PKHD1: variants seen among roughly 807,000 people sequenced by gnomAD.
PKHD1 encodes the protein PKHD1 ciliary IPT domain containing fibrocystin/polyductin.
Under a neutral mutation model 412.0 loss-of-function variants are expected in PKHD1, and 291 were observed. The observed-to-expected ratio is 0.71, with a 90% CI of 0.64 to 0.78. The LOEUF (loss-of-function observed/expected upper bound fraction) is 0.78, where lower values mean the gene tolerates loss of function less well. Ranked by LOEUF, PKHD1 falls within the 30% of genes least tolerant of loss-of-function variation. PKHD1 has a pLI of 0.00. For missense variants in PKHD1, 4,825 were observed against 4,950.7 expected, an observed-to-expected ratio of 0.97 and a Z score of 0.76; for synonymous variants, 1,777 against 1,821.5, an observed-to-expected ratio of 0.98 and a Z score of 0.62.
intron 52 of PKHD1, among the ~76,000 whole-genome samples, chr6:51,798,760 TATACAA>T (rs1794973681): frequency 6.6e-6 from 1 of 152,190 alleles, no homozygotes; most frequent in Non-Finnish European, 1.5e-5. Context: ...GCAAGAGTTT[TATACAA>T]ATTGGTTTAT....
intron 46 of PKHD1, among the ~76,000 whole-genome samples, chr6:51,874,903 T>C (rs1170058107): frequency 1.1e-5 from 1 of 88,536 alleles, no homozygotes; most frequent in Non-Finnish European, 2.1e-5. Context: ...CCAGTGTGTG[T>C]GCGCACCGTG....
intron 55 of PKHD1, among the ~76,000 whole-genome samples, chr6:51,756,488 T>C (rs1787032025): frequency 6.6e-6 from 1 of 152,184 alleles, no homozygotes; most frequent in Non-Finnish European, 1.5e-5. Context: ...CTTTTCATAA[T>C]CTATGAAATT....
intron 52 of PKHD1, among the ~76,000 whole-genome samples, chr6:51,805,237 G>A (rs1763584299): frequency 1.3e-5 from 2 of 152,150 alleles, no homozygotes; most frequent in African/African-American, 4.8e-5. Context: ...AGCCACATGG[G>A]TGCTGCTGGA....
rs2661511 is a variant in PKHD1, at chr6:51,639,027, C to T, written c.11399-71G>A. 0.03 allele frequency: 32,884 copies of T among 1,110,998 alleles called. 803 individuals carry two copies. Among genetic ancestry groups the T allele is most frequent in the African/African-American group, 0.1 (6,797 of 65,400 alleles). The allele number at this position is 1,110,998 out of a possible 1,614,324, so 68.8% of individuals were successfully genotyped here. ...TCGAACAATGTCTTCATGTCTTCTG[C>T]GAAGGCAGACATTTGGACAATAAAG... On this transcript the variant is annotated intron_variant, in intron 63 of 66. Transcript: ENST00000371117.
chr6:51,807,422 A>G (rs1171589619), intron 52 of PKHD1, among the ~76,000 whole-genome samples: 3 of 136,924 alleles, frequency 2.2e-5, no homozygotes, highest in Non-Finnish European at 4.6e-5. Context: ...TGGGCAACAG[A>G]GCGAGACTCT....
chr6:51,748,170 G>A lies in PKHD1; in HGVS notation c.9446C>T (p.Ala3149Val). ...GGCACCATAGTCAAAGTTCTTGAAA[G>A]CCAAGAAGCCAGAGATTCTGGTACA... ...DNCTRISGFL[A>V]FKNFDYGAML... Residue 3149 changes from alanine (A) to valine (V), a missense_variant, in exon 58 of 67, where the codon GCT becomes GTT. Physicochemically the swap from Ala to Val is moderately conservative, Grantham distance 64. Transcript: ENST00000371117. 1 of 1,614,086 alleles carries A rather than the reference G, an allele frequency of 6.2e-7. No individual in the cohort carries two copies. Among genetic ancestry groups the A allele is most frequent in the Non-Finnish European group, 8.5e-7 (1 of 1,179,978 alleles).
intron 63 of PKHD1, among the ~76,000 whole-genome samples, chr6:51,645,125 T>G (rs1380415095): frequency 6.6e-6 from 1 of 152,250 alleles, no homozygotes; most frequent in Non-Finnish European, 1.5e-5. Flanking sequence ...TTTCAATATG[T>G]TACTGGCTAA....
rs1322560083 is a variant in PKHD1, at chr6:51,926,955, A to T, written c.6121+7155T>A. ...GGCTGTCCTACCACGCTAGGGTTCC[A>T]AGTATGCCAGGACCATGCTTGCTGA... is the stretch of plus-strand genomic sequence containing the variant. On this transcript the variant is annotated intron_variant, in intron 37 of 66. Transcript: ENST00000371117. 7.9e-5 allele frequency among the ~76,000 whole-genome samples: 12 copies of T among 152,320 alleles called. No individual in the cohort carries two copies. The South Asian group carries it at 2.5e-3, about 32-fold the overall frequency.
In PKHD1 at chr6:51,830,927, C is replaced by T. The variant is rs769588376; in HGVS notation, c.8236G>A (p.Glu2746Lys). 1 of 1,612,304 alleles carries T rather than the reference C, an allele frequency of 6.2e-7. No individual in the cohort carries two copies. The highest frequency in any genetic ancestry group is 8.5e-7 in the Non-Finnish European group (1 of 1,178,600). The part of the protein sequence containing the change: ...WSLPETWQGV[E>K]EGWGGYNNTI... ...TTGTTGTATCCTCCCCAGCCTTCTT[C>T]AACACCTTGCCATGTTTCAGGGAGG... Residue 2746 changes from glutamate to lysine, a missense_variant, in exon 52 of 67, where the codon GAA (glutamate) becomes AAA (lysine). By Grantham distance (56) the Glu-to-Lys change is moderately conservative. Coordinates refer to ENST00000371117, the MANE Select transcript of PKHD1 (RefSeq NM_138694.4).
chr6:51,714,684 T>C (rs560344797), intron 60 of PKHD1, among the ~76,000 whole-genome samples: 31 of 152,276 alleles, frequency 2.0e-4, no homozygotes, highest in Non-Finnish European at 2.6e-4. Context: ...GGCTACCATA[T>C]TGGATAGAAC....
intron 35 of PKHD1, among the ~76,000 whole-genome samples, chr6:51,989,836 A>G (rs1173322107): frequency 7.4e-6 from 1 of 135,582 alleles, no homozygotes; most frequent in Non-Finnish European, 1.6e-5. Flanking sequence ...TTTTTTTTAA[A>G]CCAGAGGAAA....
chr6:51,857,959 T>G (rs1773552721), intron 48 of PKHD1, among the ~76,000 whole-genome samples: 1 of 152,206 alleles, frequency 6.6e-6, no homozygotes, highest in African/African-American at 2.4e-5. Flanking sequence ...AGAAATCTTG[T>G]GAGGAGGGGA....
At chr6:52,073,429 A>T in intron 7 of PKHD1, 34 bp downstream of exon 7, 1 of 1,301,310 alleles carries the variant, frequency 7.7e-7, no homozygotes, top group Non-Finnish European at 1.1e-6. Context: ...GCATGTATGT[A>T]ACTAGTTAAA....
chr6:51,986,824 G>A (rs899010461), intron 35 of PKHD1, among the ~76,000 whole-genome samples: 2 of 152,190 alleles, frequency 1.3e-5, no homozygotes, highest in African/African-American at 2.4e-5. Flanking sequence ...GACACCGCCA[G>A]GAGTTTTGTC....
chr6:51,786,500 T>C lies in PKHD1; in HGVS notation c.8440+4736A>G, dbSNP rs189892136. 2.0e-3 allele frequency among the ~76,000 whole-genome samples: 303 copies of C among 152,310 alleles called. 2 individuals are homozygous for C. Among genetic ancestry groups the C allele is most frequent in the African/African-American group, 6.7e-3 (280 of 41,556 alleles). The stretch of plus-strand genomic sequence containing the variant: ...ATCCAGTGACTACCCACTGCCTTCA[T>C]AGGAAAATCCAAACTCCTTGGCATA... On this transcript the variant is annotated intron_variant, in intron 53 of 66. Coordinates refer to ENST00000371117, the MANE Select transcript of PKHD1 (RefSeq NM_138694.4).
intron 20 of PKHD1, 68 bp downstream of exon 20, chr6:52,053,970 C>G: frequency 2.6e-6 from 4 of 1,547,622 alleles, no homozygotes; most frequent in Non-Finnish European, 3.6e-6. Context: ...AGGTGGGTAA[C>G]TGTCCCCAAA....
chr6:51,984,182 G>T (rs891501525), intron 35 of PKHD1, among the ~76,000 whole-genome samples: 1 of 152,194 alleles, frequency 6.6e-6, no homozygotes, highest in Non-Finnish European at 1.5e-5. Flanking sequence ...ATTCTTTATG[G>T]GTAATGCCAT....
intron 11 of PKHD1, among the ~76,000 whole-genome samples, chr6:52,068,477 A>G (rs186854696): frequency 5.3e-5 from 8 of 152,304 alleles, no homozygotes; most frequent in African/African-American, 1.9e-4. Flanking sequence ...TTCCCACCAT[A>G]TATTGGCTAT....
At chr6:51,676,168 G>T (rs1775809966) in intron 60 of PKHD1, among the ~76,000 whole-genome samples, 1 of 148,256 alleles carries the variant, frequency 6.7e-6, no homozygotes, top group Non-Finnish European at 1.5e-5. Flanking sequence ...GTGAAATGAG[G>T]ATTTTCCACC....
Sources: allele counts gnomAD v4.1 joint callset (sites outside exome capture counted in the v4.1 genomes callset), GRCh38; gene constraint gnomAD v4.1.1; transcripts MANE v1.5; gene names NCBI Gene and HGNC (gene_info 2026-07-23, HGNC 2026-07-21).